Variants in PREX2 observed in about 807,000 individuals in gnomAD.
PREX2 encodes phosphatidylinositol-3,4,5-trisphosphate dependent Rac exchange factor 2.
In PREX2, 107 loss-of-function variants were observed where a neutral mutation model predicts 203.2. The ratio of observed to expected loss-of-function variants is 0.53; its 90% CI spans 0.45 to 0.62. The LOEUF is 0.62. PREX2 is among the 20% of genes least tolerant of loss of function. PREX2 has a pLI of 0.00. For synonymous variants in PREX2, 672 were observed against 663.6 expected (o/e 1.01, Z -0.19); for missense variants, 1,777 against 1,955.9 (o/e 0.91, Z 1.72).
intron 35 of PREX2, among the ~76,000 whole-genome samples, chr8:68,160,438 C>T (rs1224632415): frequency 2.6e-5 from 4 of 151,884 alleles, no homozygotes; most frequent in African/African-American, 4.8e-5. Context: ...TCAAGGCAAA[C>T]CAGAATTTTA....
chr8:67,998,302 C>T (rs1227535545), intron 1 of PREX2, among the ~76,000 whole-genome samples: 1 of 152,178 alleles, frequency 6.6e-6, no homozygotes, highest in Non-Finnish European at 1.5e-5. Flanking sequence ...TTAGTGAGTC[C>T]TGCCTTATAG....
intron 31 of PREX2, among the ~76,000 whole-genome samples, chr8:68,129,641 A>G (rs1810961624): frequency 6.6e-6 from 1 of 152,078 alleles, no homozygotes; most frequent in South Asian, 2.1e-4. Context: ...TCTAGAAACC[A>G]TCTCATTCTT....
chr8:68,091,744 A>G (rs761404656), intron 20 of PREX2, among the ~76,000 whole-genome samples: 3 of 152,226 alleles, frequency 2.0e-5, no homozygotes, highest in Non-Finnish European at 2.9e-5. Flanking sequence ...AAATGATCAA[A>G]TCTTTTCTCT....
chr8:68,168,175 C>T (rs186157525), intron 35 of PREX2, among the ~76,000 whole-genome samples: 6 of 152,240 alleles, frequency 3.9e-5, no homozygotes, highest in East Asian at 1.9e-4. Context: ...ACATGTACTA[C>T]GTTTATCTTG....
At chr8:68,039,123 C>T (rs1808118631) in intron 7 of PREX2, among the ~76,000 whole-genome samples, 1 of 152,186 alleles carries the variant, frequency 6.6e-6, no homozygotes, top group Non-Finnish European at 1.5e-5. Flanking sequence ...TCTTGTGTCA[C>T]ACTGTCACCC....
intron 26 of PREX2, 100 bp from the exon 27 acceptor site, chr8:68,118,450 A>T: frequency 1.4e-6 from 1 of 712,920 alleles, no homozygotes; most frequent in South Asian, 1.8e-5. Context: ...TCTCTAAAAC[A>T]TACTAATAAA....
chr8:67,974,560 G>A (rs969902222), intron 1 of PREX2, among the ~76,000 whole-genome samples: 3 of 152,118 alleles, frequency 2.0e-5, no homozygotes, highest in Non-Finnish European at 4.4e-5. Flanking sequence ...CAAAGGATGC[G>A]TGAAAGGGAG....
Position 68,055,932 on chromosome 8 carries a change from G to GAA in PREX2, c.1198_1199dup (p.Lys402GlufsTer3). On this transcript the variant is annotated frameshift_variant, in exon 10 of 40. Coordinates refer to ENST00000288368, the MANE Select transcript of PREX2 (RefSeq NM_024870.4). LOFTEE classifies it high-confidence loss of function. ...AGACAAGGAAATCTGATCAAAGACC[G>GAA]AAAGAGAAAACTGACTACGTTCCCT... The GAA allele has an allele frequency of 1.2e-6, 2 of 1,613,332 alleles. No homozygotes were observed. The highest frequency in any genetic ancestry group is 8.5e-7 in the Non-Finnish European group (1 of 1,179,676).
In PREX2 at chr8:68,236,729, G is replaced by T. The variant is rs1005493305; in HGVS notation, c.*5351G>T. On this transcript the variant is annotated 3_prime_UTR_variant, in exon 40 of 40. Transcript: ENST00000288368. ...TTACATAGTATTCATTATTTTAAATGACAAAATATCAAATTGGTTCTATAA... is the reference window on the plus strand; with the variant it reads ...TTACATAGTATTCATTATTTTAAATTACAAAATATCAAATTGGTTCTATAA... 5 of 151,982 alleles carry T rather than the reference G, an allele frequency of 3.3e-5. No individual in the cohort carries two copies. The highest frequency in any genetic ancestry group is 4.8e-5 in the African/African-American group (2 of 41,422). 9.4% of individuals were successfully genotyped at this position (151,982 alleles called of 1,614,324 possible).
At chr8:67,976,634 G>A (rs1375326996) in intron 1 of PREX2, among the ~76,000 whole-genome samples, 7 of 81,540 alleles carry the variant, frequency 8.6e-5, no homozygotes, top group African/African-American at 1.3e-4. Flanking sequence ...AGAGAGAGAC[G>A]GGAGAGAGAC....
chr8:67,993,379 A>C (rs1585686130), intron 1 of PREX2, among the ~76,000 whole-genome samples: 1 of 149,806 alleles, frequency 6.7e-6, no homozygotes, highest in Admixed American at 6.7e-5. Flanking sequence ...ACTTTTAAAA[A>C]TTTTACAGTA....
intron 33 of PREX2, among the ~76,000 whole-genome samples, chr8:68,142,528 C>T (rs1811248728): frequency 6.6e-6 from 1 of 152,126 alleles, no homozygotes; most frequent in South Asian, 2.1e-4. Context: ...ACAGTTTATC[C>T]ATTCAAAGGA....
chr8:68,129,351 T>C (rs1385469935), intron 31 of PREX2, among the ~76,000 whole-genome samples: 4 of 152,142 alleles, frequency 2.6e-5, no homozygotes, highest in African/African-American at 9.7e-5. Flanking sequence ...TCAATTTTAT[T>C]TTTCTATTCC....
chr8:68,047,500 TATATATACAC>T (rs1450659394), intron 8 of PREX2, among the ~76,000 whole-genome samples: 969 of 52,392 alleles, frequency 0.018, 7 homozygotes, highest in African/African-American at 0.054. Context: ...TATATATATA[TATATATACAC>T]ATACATATAT....
intron 7 of PREX2, among the ~76,000 whole-genome samples, chr8:68,041,389 T>C (rs1215241456): frequency 6.6e-6 from 1 of 152,124 alleles, no homozygotes; most frequent in Non-Finnish European, 1.5e-5. Context: ...GATGATGATA[T>C]ATGGTAATTC....
intron 35 of PREX2, among the ~76,000 whole-genome samples, chr8:68,169,828 C>T (rs1484858324): frequency 6.6e-6 from 1 of 152,100 alleles, no homozygotes; most frequent in Non-Finnish European, 1.5e-5. Context: ...TCCGTTCCAT[C>T]AGGTATTTAT....
intron 9 of PREX2, among the ~76,000 whole-genome samples, chr8:68,054,372 A>C (rs1331094253): frequency 8.4e-6 from 1 of 118,846 alleles, no homozygotes; most frequent in Non-Finnish European, 1.7e-5. Flanking sequence ...AGAAAAAAAC[A>C]AAACAAAATA....
At chr8:68,152,939 G>T (rs1301847234) in intron 34 of PREX2, among the ~76,000 whole-genome samples, 4 of 152,178 alleles carry the variant, frequency 2.6e-5, no homozygotes, top group Non-Finnish European at 5.9e-5. Context: ...GAGGTGCCTG[G>T]CCATGGGAGG....
At chr8:68,052,044 A>G (rs1991954) in intron 8 of PREX2, among the ~76,000 whole-genome samples, 3,043 of 152,286 alleles carry the variant, frequency 0.02, 103 homozygotes, top group African/African-American at 0.07. Flanking sequence ...ATGAGTGCCA[A>G]GCACATCTGT....
Sources: gnomAD v4.1 joint callset for allele counts (sites outside exome capture counted in the v4.1 genomes callset) on GRCh38, gnomAD v4.1.1 for gene constraint, MANE v1.5 for transcripts, NCBI Gene and HGNC (gene_info 2026-07-23, HGNC 2026-07-21) for gene names.